Variants in KAT6A observed in about 807,000 individuals in gnomAD.
The protein encoded by KAT6A is histone acetyltransferase KAT6A.
A neutral mutation model predicts 198.4 loss-of-function variants in KAT6A; 9 were observed. The observed-to-expected ratio is 0.05, with a 90% CI of 0.03 to 0.08. The LOEUF is 0.08. KAT6A is among the 10% of genes least tolerant of loss of function. KAT6A has a pLI of 1.00. For missense variants in KAT6A, 2,077 were observed against 2,509.9 expected, an observed-to-expected ratio of 0.83 and a Z score of 3.69; for synonymous variants, 890 against 883.0, an observed-to-expected ratio of 1.01 and a Z score of -0.14.
chr8:41,937,696 T>C, intron 15 of KAT6A, 128 bp from the exon 16 acceptor site: 1 of 668,034 alleles, frequency 1.5e-6, no homozygotes, highest in Non-Finnish European at 2.5e-6. Context: ...CCAAAAAATA[T>C]TTTGAATATT....
intron 9 of KAT6A, among the ~76,000 whole-genome samples, chr8:41,951,846 C>A (rs777672468): frequency 6.6e-6 from 1 of 152,284 alleles, no homozygotes; most frequent in Non-Finnish European, 1.5e-5. Context: ...CCAAATATTA[C>A]TTAAATCTAA....
Position 41,973,685 on chromosome 8 carries a change from T to C in KAT6A, c.1482+1019A>G, listed in dbSNP as rs573227510. On this transcript the variant is annotated intron_variant, in intron 8 of 16. Coordinates refer to ENST00000265713, the MANE Select transcript of KAT6A (RefSeq NM_006766.5). The stretch of plus-strand genomic sequence containing the variant: ...ACCTCCTGCCATTCTCCACACCCTA[T>C]ATTCTTTATCCTGAGCCATTTTAAT... 4.6e-4 allele frequency among the ~76,000 whole-genome samples: 70 copies of C among 152,296 alleles called. No individual in the cohort carries two copies. The South Asian group carries it at 0.013, about 29-fold the overall frequency.
intron 2 of KAT6A, among the ~76,000 whole-genome samples, chr8:41,993,719 G>C (rs180972076): frequency 1.3e-5 from 2 of 152,246 alleles, no homozygotes; most frequent in African/African-American, 4.8e-5. Context: ...AATCATCTAG[G>C]TTAAGACACA....
chr8:41,944,958 G>T (rs2150864201), intron 12 of KAT6A, among the ~76,000 whole-genome samples: 1 of 152,258 alleles, frequency 6.6e-6, no homozygotes, highest in Middle Eastern at 3.4e-3. Context: ...GCTAAGAGAA[G>T]GCTTAATTAA....
intron 2 of KAT6A, among the ~76,000 whole-genome samples, chr8:42,005,713 G>A (rs934820967): frequency 2.6e-5 from 4 of 151,502 alleles, no homozygotes; most frequent in East Asian, 3.9e-4. Context: ...ACTATACAAA[G>A]GATGTCTAGA....
At chr8:41,987,220 C>A (rs1446297011) in intron 3 of KAT6A, among the ~76,000 whole-genome samples, 1 of 152,180 alleles carries the variant, frequency 6.6e-6, no homozygotes, top group African/African-American at 2.4e-5. Context: ...CAGACTACAC[C>A]ACATAACCCA....
intron 2 of KAT6A, among the ~76,000 whole-genome samples, chr8:42,013,490 C>T (rs543008319): frequency 6.6e-6 from 1 of 152,274 alleles, no homozygotes; most frequent in African/African-American, 2.4e-5. Context: ...GCCTTGGCCT[C>T]CCAAAGTGCT....
At chr8:42,045,465 G>A (rs1802182379) in intron 2 of KAT6A, among the ~76,000 whole-genome samples, 1 of 149,548 alleles carries the variant, frequency 6.7e-6, no homozygotes, top group Non-Finnish European at 1.5e-5. Flanking sequence ...GGGAGGCTGA[G>A]AAGGAAGAAT....
At chr8:41,971,996 A>AC (rs1823818327) in intron 8 of KAT6A, among the ~76,000 whole-genome samples, 1 of 152,218 alleles carries the variant, frequency 6.6e-6, no homozygotes, top group Non-Finnish European at 1.5e-5. Flanking sequence ...ATCTATGGCT[A>AC]CAACAGTAAG....
At chr8:41,985,378 T>G (rs1824553378) in intron 3 of KAT6A, among the ~76,000 whole-genome samples, 1 of 152,202 alleles carries the variant, frequency 6.6e-6, no homozygotes, top group Non-Finnish European at 1.5e-5. Flanking sequence ...AGCTAAAAAA[T>G]CATACTTCTT....
chr8:42,021,420 A>C (rs1230325967), intron 2 of KAT6A, among the ~76,000 whole-genome samples: 1 of 152,214 alleles, frequency 6.6e-6, no homozygotes, highest in Non-Finnish European at 1.5e-5. Flanking sequence ...GATCAGGCTA[A>C]ACACAATCTT....
intron 2 of KAT6A, among the ~76,000 whole-genome samples, chr8:41,998,400 T>C (rs552779592): frequency 6.6e-6 from 1 of 152,310 alleles, no homozygotes; most frequent in South Asian, 2.1e-4. Flanking sequence ...CTAAAACGTA[T>C]GGTTCTCTTC....
chr8:42,023,340 T>A (rs535724104), intron 2 of KAT6A, among the ~76,000 whole-genome samples: 1 of 152,052 alleles, frequency 6.6e-6, no homozygotes, highest in African/African-American at 2.4e-5. Flanking sequence ...TACACTAAAT[T>A]TGGAAAAAAA....
intron 2 of KAT6A, among the ~76,000 whole-genome samples, chr8:41,999,506 G>A (rs1041934299): frequency 6.6e-6 from 1 of 151,902 alleles, no homozygotes; most frequent in Non-Finnish European, 1.5e-5. Flanking sequence ...ACTTTTTTCT[G>A]CATATTGCTA....
chr8:42,044,353 G>A (rs182427853), intron 2 of KAT6A, among the ~76,000 whole-genome samples: 77 of 151,738 alleles, frequency 5.1e-4, no homozygotes, highest in African/African-American at 1.8e-3. Flanking sequence ...CCCCCCCCTC[G>A]GCATCCCAAA....
At chr8:41,966,533 A>T (rs967199444) in intron 8 of KAT6A, among the ~76,000 whole-genome samples, 1 of 152,078 alleles carries the variant, frequency 6.6e-6, no homozygotes, top group Non-Finnish European at 1.5e-5. Flanking sequence ...CTCAAAGCTG[A>T]AGTTAATGTT....
At chr8:42,027,555 C>T (rs532413476) in intron 2 of KAT6A, among the ~76,000 whole-genome samples, 6 of 152,134 alleles carry the variant, frequency 3.9e-5, no homozygotes, top group African/African-American at 1.4e-4. Flanking sequence ...GTATCCATTT[C>T]CTCTGGTTTT....
At chr8:42,040,206 T>A (rs1045726738) in intron 2 of KAT6A, among the ~76,000 whole-genome samples, 2 of 151,708 alleles carry the variant, frequency 1.3e-5, no homozygotes, top group African/African-American at 4.8e-5. Flanking sequence ...CCTTAACAAA[T>A]GTTAGCTATT....
chr8:42,051,416 G>GCC (rs1564091894), intron 1 of KAT6A, among the ~76,000 whole-genome samples: 1 of 150,898 alleles, frequency 6.6e-6, no homozygotes, highest in Non-Finnish European at 1.5e-5. Context: ...CCGAGCCCGA[G>GCC]CCCGAACCCG....
Sources: gnomAD v4.1 joint callset for allele counts (sites outside exome capture counted in the v4.1 genomes callset) on GRCh38, gnomAD v4.1.1 for gene constraint, MANE v1.5 for transcripts, NCBI Gene and HGNC (gene_info 2026-07-23, HGNC 2026-07-21) for gene names.